The following DLGAP2 variants were observed in gnomAD, a reference collection of about 807,000 sequenced individuals.
The protein encoded by DLGAP2 is disks large-associated protein 2.
DLGAP2 carries 26 observed loss-of-function variants against 100.3 expected under a neutral mutation model. The ratio of observed to expected loss-of-function variants is 0.26; its 90% CI spans 0.19 to 0.36. DLGAP2 has a LOEUF of 0.36. DLGAP2 is among the 10% of genes least tolerant of loss of function. DLGAP2 has a pLI of 1.00. For synonymous variants in DLGAP2, 886 were observed against 630.1 expected, an observed-to-expected ratio of 1.41 and a Z score of -6.08; for missense variants, 1,858 against 1,453.2, an observed-to-expected ratio of 1.28 and a Z score of -4.53.
chr8:1,479,755 C>T lies in DLGAP2; in HGVS notation c.107-21611C>T, dbSNP rs556730930. Among the ~76,000 whole-genome samples, 8 of 152,282 alleles carry T rather than the reference C, an allele frequency of 5.3e-5. No homozygotes were observed. In the East Asian group the frequency reaches 1.4e-3, roughly 26 times the overall value. ...TCTTTTCCTTGTGCCTCATCAGAAGCCCCCTGCGGTCCAAGCTGGCTGTTA... is the reference window on the plus strand; with the variant it reads ...TCTTTTCCTTGTGCCTCATCAGAAGTCCCCTGCGGTCCAAGCTGGCTGTTA... On this transcript the variant is annotated intron_variant, in intron 3 of 14. Coordinates refer to ENST00000637795, the MANE Select transcript of DLGAP2 (RefSeq NM_001346810.2).
At chr8:754,596 G>C (rs527653703) in intron 1 of DLGAP2, among the ~76,000 whole-genome samples, 1 of 152,198 alleles carries the variant, frequency 6.6e-6, no homozygotes, top group Non-Finnish European at 1.5e-5. Flanking sequence ...GCTTACACCT[G>C]CAATCCCAGT....
At chr8:1,528,037 A>G (rs1349006358) in intron 4 of DLGAP2, among the ~76,000 whole-genome samples, 1 of 152,274 alleles carries the variant, frequency 6.6e-6, no homozygotes, top group Non-Finnish European at 1.5e-5. Context: ...GAGGCTTAAA[A>G]TACAGAAAGC....
chr8:747,169 C>T lies in DLGAP2; in HGVS notation c.18+9344C>T, dbSNP rs552410335. On this transcript the variant is annotated intron_variant, in intron 1 of 14. Coordinates refer to ENST00000637795, the MANE Select transcript of DLGAP2 (RefSeq NM_001346810.2). ...GAGGCTCTAGAGTGTGAGGGGCTGC[C>T]GGGCACTGCCCCGCCTCTGACTGCT... Among the ~76,000 whole-genome samples, 32 of 152,054 alleles carry T rather than the reference C, an allele frequency of 2.1e-4. No individual in the cohort carries two copies. In the East Asian group the frequency reaches 2.1e-3, roughly 10 times the overall value.
intron 2 of DLGAP2, among the ~76,000 whole-genome samples, chr8:1,213,231 G>A (rs1407897952): frequency 2.0e-5 from 3 of 152,042 alleles, no homozygotes; most frequent in African/African-American, 7.2e-5. Flanking sequence ...GGCTTTCCTG[G>A]GATTAAATCT....
chr8:1,169,929 A>AGT (rs1191728804), intron 2 of DLGAP2, among the ~76,000 whole-genome samples: 3 of 151,854 alleles, frequency 2.0e-5, no homozygotes, highest in African/African-American at 7.3e-5. Context: ...GTTGAATAGG[A>AGT]GTGGTGAGAG....
At chr8:1,417,155 A>C (rs1441302816) in intron 3 of DLGAP2, among the ~76,000 whole-genome samples, 2 of 74,236 alleles carry the variant, frequency 2.7e-5, no homozygotes, top group African/African-American at 7.2e-5. Context: ...GGAGACTCTG[A>C]GTGAAGGGGA....
Position 1,256,379 on chromosome 8 carries a change from C to G in DLGAP2, c.74-2472C>G, listed in dbSNP as rs746794076. On this transcript the variant is annotated intron_variant, in intron 2 of 14. Coordinates refer to ENST00000637795, the MANE Select transcript of DLGAP2 (RefSeq NM_001346810.2). ...CCCGGGTGCTGTGTGTGTGTCCTCT[C>G]ATCCTGCCTGGGTGCTGTGTGTGTG... 2.1e-3 allele frequency among the ~76,000 whole-genome samples: 228 copies of G among 110,508 alleles called. 6 individuals carry two copies. The highest frequency in any genetic ancestry group is 1.0e-2 in the African/African-American group (215 of 21,594). The allele number at this position is 110,508 out of a possible 152,430, so 72.5% of individuals were successfully genotyped here.
chr8:887,150 G>C (rs189535617), intron 1 of DLGAP2, among the ~76,000 whole-genome samples: 1 of 150,910 alleles, frequency 6.6e-6, no homozygotes, highest in South Asian at 2.1e-4. Context: ...TTTGATCTTT[G>C]TTGGCTTAAA....
In DLGAP2 at chr8:1,392,762, A is replaced by G. The variant is rs139721562; in HGVS notation, c.107-108604A>G. Among the ~76,000 whole-genome samples, 561 of 151,632 alleles carry G rather than the reference A, an allele frequency of 3.7e-3. 6 individuals carry two copies. Among genetic ancestry groups the G allele is most frequent in the African/African-American group, 0.013 (523 of 41,252 alleles). ...AGGTGATGGCACAGTAGTGATGCTCATGGGCTGTGTTCTTTCTTCGGGATA... is the reference window on the plus strand; with the variant it reads ...AGGTGATGGCACAGTAGTGATGCTCGTGGGCTGTGTTCTTTCTTCGGGATA... On this transcript the variant is annotated intron_variant, in intron 3 of 14. Transcript: ENST00000637795.
chr8:1,308,411 T>C (rs1800540785), intron 3 of DLGAP2, among the ~76,000 whole-genome samples: 1 of 152,118 alleles, frequency 6.6e-6, no homozygotes, highest in East Asian at 1.9e-4. Flanking sequence ...AGAAGAAGGG[T>C]TTCCAGAGTC....
intron 12 of DLGAP2, among the ~76,000 whole-genome samples, chr8:1,684,938 C>T (rs576292713): frequency 6.6e-6 from 1 of 152,234 alleles, no homozygotes; most frequent in Admixed American, 6.5e-5. Context: ...CCAAATGACT[C>T]CTCCCGAAGT....
intron 2 of DLGAP2, among the ~76,000 whole-genome samples, chr8:1,194,437 G>A (rs1290438800): frequency 6.6e-6 from 1 of 152,158 alleles, no homozygotes; most frequent in Non-Finnish European, 1.5e-5. Context: ...CTCCTGCCCA[G>A]GGCGGCCTCC....
At chr8:1,595,879 A>C (rs1421037045) in intron 6 of DLGAP2, among the ~76,000 whole-genome samples, 2 of 138,498 alleles carry the variant, frequency 1.4e-5, no homozygotes, top group African/African-American at 2.5e-5. Context: ...TTTTAATTTT[A>C]TTATTATTAT....
At chr8:770,049 A>C (rs1227982277) in intron 1 of DLGAP2, among the ~76,000 whole-genome samples, 2 of 152,230 alleles carry the variant, frequency 1.3e-5, no homozygotes, top group African/African-American at 4.8e-5. Flanking sequence ...AAGAACTTAC[A>C]TGCATGCATC....
intron 1 of DLGAP2, among the ~76,000 whole-genome samples, chr8:841,574 T>C (rs746710305): frequency 9.2e-5 from 14 of 152,078 alleles, no homozygotes; most frequent in Non-Finnish European, 1.8e-4. Context: ...TAGAAATACA[T>C]GTGATTTTTT....
At chr8:1,697,112 T>C in intron 13 of DLGAP2, 35 bp from the exon 14 acceptor site, 1 of 1,496,734 alleles carries the variant, frequency 6.7e-7, no homozygotes, top group African/African-American at 1.4e-5. Context: ...CGCAGGAGAC[T>C]CTCCTGGCTC....
chr8:1,105,585 G>C (rs1804729659), intron 2 of DLGAP2, among the ~76,000 whole-genome samples: 1 of 151,350 alleles, frequency 6.6e-6, no homozygotes, highest in African/African-American at 2.4e-5. Flanking sequence ...AGCCATTCTA[G>C]GAGGGTTTTC....
chr8:1,569,847 C>T (rs552032507), intron 6 of DLGAP2, among the ~76,000 whole-genome samples: 1 of 151,942 alleles, frequency 6.6e-6, no homozygotes, highest in East Asian at 1.9e-4. Flanking sequence ...CTGCGGAGGG[C>T]AGGATAGATC....
intron 2 of DLGAP2, among the ~76,000 whole-genome samples, chr8:1,254,846 G>A (rs1799135909): frequency 8.9e-6 from 1 of 112,758 alleles, no homozygotes; most frequent in African/African-American, 3.6e-5. Context: ...TTTCCTCCGT[G>A]GGCCTCACTC....
Sources: allele counts gnomAD v4.1 joint callset (sites outside exome capture counted in the v4.1 genomes callset), GRCh38; gene constraint gnomAD v4.1.1; transcripts MANE v1.5; gene names NCBI Gene and HGNC (gene_info 2026-07-23, HGNC 2026-07-21).